The following MAEL variants were observed in gnomAD, a reference collection of about 807,000 sequenced individuals.
The protein encoded by MAEL is protein maelstrom homolog.
MAEL carries 46 observed loss-of-function variants against 62.0 expected under a neutral mutation model. The ratio of observed to expected loss-of-function variants is 0.74; its 90% CI spans 0.59 to 0.95. The LOEUF is 0.95. Among genes scored for constraint, MAEL ranks in the 40% least tolerant of loss-of-function variants. MAEL has a pLI of 0.00. For synonymous variants in MAEL, 172 were observed against 175.5 expected (o/e 0.98, Z 0.16); for missense variants, 497 against 526.8 (o/e 0.94, Z 0.55).
At chr1:167,003,092 G>T (rs774775389) in intron 5 of MAEL, among the ~76,000 whole-genome samples, 1 of 152,012 alleles carries the variant, frequency 6.6e-6, no homozygotes, top group African/African-American at 2.4e-5. Flanking sequence ...CATCTCTTTG[G>T]GGGAGAGTAA....
At chr1:167,001,066 G>A (rs1379754773) in intron 5 of MAEL, among the ~76,000 whole-genome samples, 2 of 152,132 alleles carry the variant, frequency 1.3e-5, no homozygotes, top group African/African-American at 4.8e-5. Flanking sequence ...TATATATGAT[G>A]GAATACTACT....
upstream of MAEL, chr1:166,989,221 G>C: frequency 8.3e-7 from 1 of 1,207,076 alleles, no homozygotes; most frequent in Non-Finnish European, 1.1e-6. Context: ...ATGCGACTGC[G>C]CGTCGCTTCC....
chr1:167,017,760 TA>T, intron 9 of MAEL, 66 bp from the exon 10 acceptor site: 1 of 1,455,356 alleles, frequency 6.9e-7, no homozygotes, highest in Non-Finnish European at 9.3e-7. Flanking sequence ...TTAGAGATTT[TA>T]AAATACAAAT....
At chr1:166,983,090 C>A (rs557386890) in intron 1 of MAEL, among the ~76,000 whole-genome samples, 6 of 152,166 alleles carry the variant, frequency 3.9e-5, no homozygotes, top group South Asian at 2.1e-4. Flanking sequence ...ATTCTGACAT[C>A]TTGTTATATA....
At chr1:166,990,627 C>G (rs969856835) in intron 2 of MAEL, 6 of 151,936 alleles carry the variant, frequency 3.9e-5, no homozygotes, top group Admixed American at 3.9e-4. Context: ...CCACTGCACT[C>G]CAGCCTGTGC....
intron 8 of MAEL, among the ~76,000 whole-genome samples, chr1:167,010,712 T>A (rs906588448): frequency 6.6e-6 from 1 of 152,126 alleles, no homozygotes; most frequent in Non-Finnish European, 1.5e-5. Context: ...CCTTCCAAAT[T>A]GCTGGGATTA....
chr1:166,989,168 C>CCGGA, upstream of MAEL: 1 of 822,404 alleles, frequency 1.2e-6, no homozygotes, highest in Non-Finnish European at 1.8e-6. Flanking sequence ...GCGGCACGAG[C>CCGGA]CGGAATCTTC....
rs917637162 is a variant in MAEL, at chr1:167,016,374, G to T, written c.908+90G>T. ...GCTTGCTATAGCTTTGGCAATCGGG[G>T]TAACTCTGTTTCCACAATGCTCTTT... On this transcript the variant is annotated intron_variant, in intron 9 of 11. Coordinates refer to ENST00000367872, the MANE Select transcript of MAEL (RefSeq NM_032858.3). 4.9e-6 allele frequency: 6 copies of T among 1,213,956 alleles called. No homozygotes were observed. The East Asian group carries it at 7.0e-5, about 14-fold the overall frequency. The allele number at this position is 1,213,956 out of a possible 1,614,324, so 75.2% of individuals were successfully genotyped here. A position where few individuals can be genotyped will look rare whatever the true frequency, so the allele number is the denominator to read the frequency against.
At chr1:166,989,192 T>G, upstream of MAEL, 1 of 955,898 alleles carries the variant, frequency 1.0e-6, no homozygotes, top group Non-Finnish European at 1.5e-6. Context: ...TCTCAGGCTG[T>G]TTGTTCCCCC....
chr1:166,987,344 G>A (rs745310555), upstream of MAEL, among the ~76,000 whole-genome samples: 7 of 152,008 alleles, frequency 4.6e-5, no homozygotes, highest in African/African-American at 7.3e-5. Flanking sequence ...CATCCATGTC[G>A]AATATCAATA....
At chr1:167,009,876 A>C (rs187289234) in intron 8 of MAEL, among the ~76,000 whole-genome samples, 16 of 151,836 alleles carry the variant, frequency 1.1e-4, no homozygotes, top group Admixed American at 1.0e-3. Flanking sequence ...TGAGTTAAGT[A>C]ATTTCTTCAT....
intron 1 of MAEL, among the ~76,000 whole-genome samples, chr1:166,981,861 G>A (rs753574138): frequency 2.2e-4 from 34 of 152,252 alleles, no homozygotes; most frequent in African/African-American, 8.2e-4. Context: ...TAATTCCACC[G>A]GCAATGTACC....
intron 6 of MAEL, among the ~76,000 whole-genome samples, chr1:167,004,720 C>T (rs1571261734): frequency 6.6e-6 from 1 of 152,142 alleles, no homozygotes; most frequent in Non-Finnish European, 1.5e-5. Flanking sequence ...TTCTTCCAGG[C>T]TTGGAGTTGA....
At chr1:166,993,668 G>C (rs112522032) in intron 4 of MAEL, among the ~76,000 whole-genome samples, 1 of 152,056 alleles carries the variant, frequency 6.6e-6, no homozygotes, top group Admixed American at 6.6e-5. Context: ...ATAGAATTTG[G>C]GGACTGTTTT....
intron 8 of MAEL, among the ~76,000 whole-genome samples, chr1:167,006,240 C>CA (rs1342565701): frequency 6.6e-6 from 1 of 151,864 alleles, no homozygotes; most frequent in East Asian, 1.9e-4. Context: ...CTTTTACAGC[C>CA]AAAAAAATTC....
intron 5 of MAEL, among the ~76,000 whole-genome samples, chr1:167,000,303 C>A (rs866300802): frequency 6.6e-6 from 1 of 152,076 alleles, no homozygotes; most frequent in African/African-American, 2.4e-5. Context: ...AGGTTGTTTG[C>A]AAGGATTAGA....
Position 167,021,650 on chromosome 1 carries a change from G to A in MAEL, c.1118-18G>A, listed in dbSNP as rs1665633679. The A allele has an allele frequency of 6.5e-7, 1 of 1,539,606 alleles. No individual in the cohort carries two copies. The highest frequency in any genetic ancestry group is 8.8e-7 in the Non-Finnish European group (1 of 1,141,294). ...ATAAAATTGCTATATCTCTTTTCTT[G>A]TATTTTCAATATCCTAGGTGACTAC... is the stretch of plus-strand genomic sequence containing the variant. On this transcript the variant is annotated intron_variant, in intron 11 of 11. Transcript: ENST00000367872.
intron 5 of MAEL, 103 bp downstream of exon 5, chr1:166,994,172 T>A: frequency 9.3e-7 from 1 of 1,070,676 alleles, no homozygotes; most frequent in Non-Finnish European, 1.4e-6. Context: ...GGAAAATAAC[T>A]TTAGGTTATT....
At chr1:167,010,069 G>A (rs1427336414) in intron 8 of MAEL, among the ~76,000 whole-genome samples, 1 of 152,144 alleles carries the variant, frequency 6.6e-6, no homozygotes, top group Non-Finnish European at 1.5e-5. Flanking sequence ...GTCAAGGGTT[G>A]GACCAGGTGG....
Sources: allele counts gnomAD v4.1 joint callset (sites outside exome capture counted in the v4.1 genomes callset), GRCh38; gene constraint gnomAD v4.1.1; transcripts MANE v1.5; gene names NCBI Gene and HGNC (gene_info 2026-07-23, HGNC 2026-07-21).